PDE1C: variants seen among roughly 807,000 people sequenced by gnomAD.
PDE1C encodes the protein dual specificity calcium/calmodulin-dependent 3',5'-cyclic nucleotide phosphodiesterase 1C.
A neutral mutation model predicts 93.1 loss-of-function variants in PDE1C; 62 were observed. That is an observed-to-expected ratio of 0.67 (90% confidence interval 0.54 to 0.82). The LOEUF is 0.82. Among genes scored for constraint, PDE1C ranks in the 40% least tolerant of loss-of-function variants. The pLI is 0.00. For synonymous variants in PDE1C, 325 were observed against 310.1 expected (o/e 1.05, Z -0.50); for missense variants, 742 against 884.6 (o/e 0.84, Z 2.04).
At chr7:32,222,868 C>T (rs1211260924) in intron 1 of PDE1C, among the ~76,000 whole-genome samples, 1 of 152,186 alleles carries the variant, frequency 6.6e-6, no homozygotes, top group African/African-American at 2.4e-5. Flanking sequence ...ACCACTTTCC[C>T]CCTACTCGCC....
chr7:32,330,763 T>C (rs1344703546), intron 1 of PDE1C, among the ~76,000 whole-genome samples: 1 of 152,150 alleles, frequency 6.6e-6, no homozygotes, highest in Non-Finnish European at 1.5e-5. Context: ...GGGAACAGGA[T>C]CGATCCCCAA....
chr7:31,654,174 T>A, the PDE1C span, among the ~76,000 whole-genome samples: 44 of 151,974 alleles, frequency 2.9e-4, no homozygotes, highest in Admixed American at 2.4e-3. Context: ...TTCATCAGGG[T>A]GCCTGTGGAA....
the PDE1C span, chr7:31,643,523 C>T: frequency 2.0e-5 from 33 of 1,613,866 alleles, 1 homozygote; most frequent in South Asian, 8.8e-5. Flanking sequence ...AGCCTGGTGT[C>T]GGCTGCTCAG....
At chr7:32,090,915 G>A (rs1797435112) in intron 3 of PDE1C, among the ~76,000 whole-genome samples, 1 of 152,180 alleles carries the variant, frequency 6.6e-6, no homozygotes. Flanking sequence ...AGCATTACAA[G>A]AAAATGGCAT....
intron 1 of PDE1C, among the ~76,000 whole-genome samples, chr7:32,297,456 G>A (rs1295172788): frequency 6.6e-6 from 1 of 152,078 alleles, no homozygotes; most frequent in East Asian, 1.9e-4. Context: ...GTTCTCCAAA[G>A]GCTGACGTCC....
intron 7 of PDE1C, among the ~76,000 whole-genome samples, chr7:31,851,984 G>A (rs10487734): frequency 0.18 from 28,036 of 152,144 alleles, 2,694 homozygotes; most frequent in Middle Eastern, 0.29. Context: ...AGACAAATGT[G>A]AGTATCCAAA....
At chr7:32,060,883 C>T (rs1794724112) in intron 1 of PDE1C, among the ~76,000 whole-genome samples, 1 of 152,186 alleles carries the variant, frequency 6.6e-6, no homozygotes, top group African/African-American at 2.4e-5. Context: ...AGTTAGCAGA[C>T]ACGGTTTCCA....
chr7:32,201,018 T>C (rs1804971861), intron 2 of PDE1C, among the ~76,000 whole-genome samples: 1 of 152,218 alleles, frequency 6.6e-6, no homozygotes, highest in African/African-American at 2.4e-5. Context: ...CATGTGTTAC[T>C]AGATTCCATG....
chr7:32,068,305 G>A (rs2128722816), intron 1 of PDE1C, among the ~76,000 whole-genome samples: 1 of 152,248 alleles, frequency 6.6e-6, no homozygotes, highest in Non-Finnish European at 1.5e-5. Context: ...CCAAGTTGTG[G>A]ACTGCAAAAA....
intron 3 of PDE1C, chr7:32,078,075 C>T (rs570611106): frequency 9.3e-6 from 9 of 965,456 alleles, no homozygotes; most frequent in Middle Eastern, 5.4e-4. Flanking sequence ...TTTTTGTTCA[C>T]GTAAAACTGC....
chr7:31,688,332 G>A, the PDE1C span, among the ~76,000 whole-genome samples: 2 of 152,164 alleles, frequency 1.3e-5, no homozygotes, highest in African/African-American at 2.4e-5. Context: ...ACCTTATATT[G>A]ACTCACAGCA....
At chr7:32,078,742 T>A (rs1434481332) in intron 3 of PDE1C, among the ~76,000 whole-genome samples, 1 of 151,922 alleles carries the variant, frequency 6.6e-6, no homozygotes, top group Non-Finnish European at 1.5e-5. Flanking sequence ...CTGGGCAACA[T>A]GGGAAGACCC....
intron 2 of PDE1C, among the ~76,000 whole-genome samples, chr7:32,006,472 C>T (rs1786270633): frequency 6.6e-6 from 1 of 152,120 alleles, no homozygotes; most frequent in African/African-American, 2.4e-5. Flanking sequence ...GGAAATAAGC[C>T]ATGGTTTGGG....
chr7:31,874,700 C>T (rs1796335396), intron 5 of PDE1C, among the ~76,000 whole-genome samples: 1 of 152,210 alleles, frequency 6.6e-6, no homozygotes, highest in African/African-American at 2.4e-5. Context: ...TGTTCCAATT[C>T]ACACTTAGTG....
At chr7:31,854,501 G>C (rs1431864415) in intron 7 of PDE1C, among the ~76,000 whole-genome samples, 1 of 152,202 alleles carries the variant, frequency 6.6e-6, no homozygotes, top group Non-Finnish European at 1.5e-5. Context: ...CATTTGAAAG[G>C]ATGCTTTGAC....
chr7:32,246,544 A>C (rs2128872638), intron 1 of PDE1C, among the ~76,000 whole-genome samples: 1 of 152,310 alleles, frequency 6.6e-6, no homozygotes, highest in Middle Eastern at 3.4e-3. Flanking sequence ...AACACAGAGA[A>C]GAAGCACTTA....
intron 1 of PDE1C, among the ~76,000 whole-genome samples, chr7:32,377,807 G>A (rs1400998709): frequency 2.6e-5 from 4 of 152,026 alleles, no homozygotes; most frequent in African/African-American, 4.8e-5. Context: ...CATGCCCTCC[G>A]CCACTATACT....
chr7:32,270,270 CTG>C, intron 1 of PDE1C, among the ~76,000 whole-genome samples: 1 of 151,050 alleles, frequency 6.6e-6, no homozygotes, highest in East Asian at 1.9e-4. Context: ...TTTGGCGCAA[CTG>C]TGTTTTCTTT....
At chr7:32,357,707 A>G (rs1470897589) in intron 1 of PDE1C, among the ~76,000 whole-genome samples, 1 of 152,192 alleles carries the variant, frequency 6.6e-6, no homozygotes, top group Non-Finnish European at 1.5e-5. Context: ...ACCTAACACC[A>G]GCATTTCTTT....
Sources: gnomAD v4.1 joint callset for allele counts (sites outside exome capture counted in the v4.1 genomes callset) on GRCh38, gnomAD v4.1.1 for gene constraint, MANE v1.5 for transcripts, NCBI Gene and HGNC (gene_info 2026-07-23, HGNC 2026-07-21) for gene names.